The following TNRC6C variants were observed in gnomAD, a reference collection of about 807,000 sequenced individuals.
TNRC6C encodes trinucleotide repeat-containing gene 6C protein.
TNRC6C carries 20 observed loss-of-function variants against 153.7 expected under a neutral mutation model. The ratio of observed to expected loss-of-function variants is 0.13; its 90% confidence interval spans 0.09 to 0.19. The LOEUF is 0.19. Ranked by LOEUF, TNRC6C falls within the 10% of genes least tolerant of loss-of-function variation. The pLI, the probability that TNRC6C is intolerant of heterozygous loss-of-function variation, is 1.00. For missense variants in TNRC6C, 1,987 were observed against 2,172.0 expected (o/e 0.91, Z 1.69); for synonymous variants, 811 against 841.4 (o/e 0.96, Z 0.63).
intron 10 of TNRC6C, among the ~76,000 whole-genome samples, chr17:78,080,237 A>G (rs1328753474): frequency 6.6e-6 from 1 of 152,178 alleles, no homozygotes; most frequent in East Asian, 1.9e-4. Flanking sequence ...ACCTGAGGTC[A>G]GGAGTTCGAG....
chr17:78,102,879 T>C, intron 18 of TNRC6C: 1 of 292,150 alleles, frequency 3.4e-6, no homozygotes. Context: ...AGCTCATGCC[T>C]GTAATCCCAG....
At chr17:78,058,925 C>G (rs1269065188) in intron 3 of TNRC6C, among the ~76,000 whole-genome samples, 1 of 152,152 alleles carries the variant, frequency 6.6e-6, no homozygotes, top group East Asian at 1.9e-4. Flanking sequence ...AATATAAAAC[C>G]AGAGGTTGTG....
intron 1 of TNRC6C, among the ~76,000 whole-genome samples, chr17:77,971,044 T>C (rs1034158004): frequency 1.3e-5 from 2 of 152,126 alleles, no homozygotes; most frequent in Non-Finnish European, 2.9e-5. Flanking sequence ...GTGGGGGGTA[T>C]AAAATTCTTG....
rs1228780510 is a variant in TNRC6C at position 78,065,358 on chromosome 17, GA to G, written c.2611+432del. ...AGCAAGACCCCATCTCTTTAAAAAGGAAAAAAAAAAAGCCAAGATTATAAAA... is the reference window on the plus strand; with the variant it reads ...AGCAAGACCCCATCTCTTTAAAAAGGAAAAAAAAAAGCCAAGATTATAAAA... On this transcript the variant is annotated intron_variant, in intron 4 of 19. Coordinates refer to ENST00000301624, the Ensembl canonical transcript of TNRC6C. Among the ~76,000 whole-genome samples the G allele has an allele frequency of 8.6e-3, 1,200 of 139,672 alleles. 20 individuals carry two copies. Among genetic ancestry groups the G allele is most frequent in the African/African-American group, 0.028 (1,092 of 38,366 alleles). 91.6% of individuals were successfully genotyped at this position (139,672 alleles called of 152,430 possible).
intron 13 of TNRC6C, among the ~76,000 whole-genome samples, chr17:78,090,943 C>T (rs1289931213): frequency 1.3e-5 from 2 of 152,066 alleles, no homozygotes; most frequent in African/African-American, 2.4e-5. Flanking sequence ...GATGAGTTTC[C>T]GTAAGATATC....
chr17:77,974,953 A>G (rs980882072), intron 1 of TNRC6C, among the ~76,000 whole-genome samples: 3 of 152,246 alleles, frequency 2.0e-5, no homozygotes, highest in African/African-American at 7.2e-5. Context: ...GGGAAAAAAC[A>G]ATTTGCAAAA....
In TNRC6C at chr17:78,104,351, G is replaced by T; in HGVS notation, c.4713-134G>T. The T allele has an allele frequency of 1.6e-6, 2 of 1,268,080 alleles. No individual in the cohort carries two copies. Among genetic ancestry groups the T allele is most frequent in the Non-Finnish European group, 2.1e-6 (2 of 964,540 alleles). The allele number at this position is 1,268,080 out of a possible 1,614,324, so 78.6% of individuals were successfully genotyped here. A position where few individuals can be genotyped will look rare whatever the true frequency, so the allele number is the denominator to read the frequency against. ...GCAAAACATTCACAGTCTGGGTTTG[G>T]AAATAGCAGTGGCAAAACAGAAGCC... is the stretch of plus-strand genomic sequence containing the variant. On this transcript the variant is annotated intron_variant, in intron 19 of 19. Coordinates refer to ENST00000301624, the Ensembl canonical transcript of TNRC6C. The surrounding 1 kb of genome is among the most constrained non-coding windows in gnomAD (Gnocchi z 6.2).
chr17:78,020,375 T>G (rs1325277484), intron 1 of TNRC6C, among the ~76,000 whole-genome samples: 1 of 152,234 alleles, frequency 6.6e-6, no homozygotes, highest in Non-Finnish European at 1.5e-5. Context: ...GTTTGTAAAA[T>G]AATGTGCTAG....
At chr17:78,077,559 C>T (rs2073106179) in intron 9 of TNRC6C, 5 of 604,998 alleles carry the variant, frequency 8.3e-6, no homozygotes, top group Admixed American at 3.0e-5. Flanking sequence ...TTAACTAAAA[C>T]GTGTTTGAGC....
At chr17:77,980,510 A>G (rs2071060310) in intron 1 of TNRC6C, among the ~76,000 whole-genome samples, 2 of 152,278 alleles carry the variant, frequency 1.3e-5, no homozygotes, top group East Asian at 1.9e-4. Flanking sequence ...CTGTGAGCAA[A>G]TGTGTGAGGG....
At chr17:77,978,104 A>T (rs1268599032) in intron 1 of TNRC6C, among the ~76,000 whole-genome samples, 3 of 151,884 alleles carry the variant, frequency 2.0e-5, no homozygotes, top group Non-Finnish European at 4.4e-5. Flanking sequence ...TCACCATGTT[A>T]GCCAGGATGG....
exon 20 of TNRC6C, chr17:78,108,370 AGAAG>A (rs1437784424): frequency 6.5e-6 from 1 of 154,890 alleles, no homozygotes; most frequent in African/African-American, 2.4e-5. Flanking sequence ...GACCAGAAAA[AGAAG>A]GAAGCTGGGA....
intron 18 of TNRC6C, chr17:78,102,897 G>A (rs1406731821): frequency 1.6e-5 from 4 of 256,480 alleles, no homozygotes; most frequent in Admixed American, 5.2e-5. Flanking sequence ...CAGCACTTTG[G>A]GAGGCCGAGG....
At chr17:78,034,413 T>G (rs2072138461) in intron 2 of TNRC6C, among the ~76,000 whole-genome samples, 1 of 152,044 alleles carries the variant, frequency 6.6e-6, no homozygotes, top group South Asian at 2.1e-4. Context: ...CTCACAAGTG[T>G]GCCATGCTCA....
intron 2 of TNRC6C, 30 bp from the exon 5 acceptor site, chr17:78,048,815 T>A (rs1196597998): frequency 8.1e-6 from 10 of 1,233,188 alleles, no homozygotes; most frequent in Non-Finnish European, 1.0e-5. Flanking sequence ...GTAGAAAATC[T>A]AATTTTGAAT....
intron 16 of TNRC6C, 63 bp from the exon 19 acceptor site, chr17:78,097,682 C>A: frequency 1.7e-6 from 2 of 1,194,410 alleles, no homozygotes; most frequent in Non-Finnish European, 2.3e-6. Flanking sequence ...TCACACCCCA[C>A]AGTTAGAGTC....
chr17:78,033,701 AATATAC>A (rs1305383583), intron 2 of TNRC6C, among the ~76,000 whole-genome samples: 2 of 152,164 alleles, frequency 1.3e-5, no homozygotes, highest in African/African-American at 4.8e-5. Context: ...TATATATATA[AATATAC>A]ATATAAACAC....
At chr17:78,103,688 G>A (rs2073637638) in intron 19 of TNRC6C, 135 bp downstream of exon 22, 1 of 1,295,274 alleles carries the variant, frequency 7.7e-7, no homozygotes, top group Non-Finnish European at 1.0e-6. Context: ...CACTTCTGGA[G>A]GCTGGAAGTC....
At chr17:78,084,621 C>CTTTTTTTTT (rs888498648) in intron 11 of TNRC6C, among the ~76,000 whole-genome samples, 1 of 134,196 alleles carries the variant, frequency 7.5e-6, no homozygotes. Context: ...TTTTCTTTTT[C>CTTTTTTTTT]TTTTTTTTTT....
Sources: gnomAD v4.1 joint callset for allele counts (sites outside exome capture counted in the v4.1 genomes callset) on GRCh38, gnomAD v4.1.1 for gene constraint, Gnocchi (gnomAD v3.1) non-coding constraint, MANE v1.5 for transcripts, NCBI Gene and HGNC (gene_info 2026-07-23, HGNC 2026-07-21) for gene names.